Variants in MAP3K19 observed in about 807,000 individuals in gnomAD.
MAP3K19 encodes the protein SPS1/STE20-related protein kinase YSK4.
A neutral mutation model predicts 114.4 loss-of-function variants in MAP3K19; 91 were observed. The observed-to-expected ratio is 0.80, with a 90% CI of 0.67 to 0.95. MAP3K19 has a LOEUF of 0.95. Ranked by LOEUF, MAP3K19 falls within the 40% of genes least tolerant of loss-of-function variation. The probability of loss-of-function intolerance (pLI) is 0.00; values close to 1 mark genes in which losing one functional copy is unlikely to be tolerated. For missense variants in MAP3K19, 1,471 were observed against 1,573.2 expected (o/e 0.94, Z 1.10); for synonymous variants, 518 against 530.5 (o/e 0.98, Z 0.32).
chr2:135,015,000 A>C (rs998711742), intron 5 of MAP3K19, among the ~76,000 whole-genome samples: 1 of 152,194 alleles, frequency 6.6e-6, no homozygotes, highest in African/African-American at 2.4e-5. Flanking sequence ...TAGTGCTGCT[A>C]TGATCATTAT....
rs114068787 is a variant in MAP3K19 at position 135,015,436 on chromosome 2, G to A, written c.138+6279C>T. On this transcript the variant is annotated intron_variant, in intron 5 of 12. Transcript: ENST00000392915. ...AGTTTTTAAATTTTTTCTGAATGCA[G>A]GTCCTTTGTCAGATACATACATTTT... Among the ~76,000 whole-genome samples, 648 of 152,136 alleles carry A rather than the reference G, an allele frequency of 4.3e-3. 4 individuals are homozygous for A. Among genetic ancestry groups the A allele is most frequent in the African/African-American group, 0.015 (612 of 41,488 alleles).
intron 5 of MAP3K19, among the ~76,000 whole-genome samples, chr2:135,016,421 G>C (rs1687589388): frequency 6.6e-6 from 1 of 152,088 alleles, no homozygotes; most frequent in African/African-American, 2.4e-5. Flanking sequence ...CTTTATAATA[G>C]GATGTGATAT....
chr2:134,986,857 C>A lies in MAP3K19; in HGVS notation c.2015G>T (p.Cys672Phe), dbSNP rs1476316290. Residue 672 changes from cysteine (C) to phenylalanine (F), a missense_variant, in exon 10 of 13, where the codon TGT becomes TTT. Physicochemically the swap from Cys to Phe is radical, Grantham distance 205 (BLOSUM62 -2). Coordinates refer to ENST00000392915, the MANE Select transcript of MAP3K19 (RefSeq NM_025052.5). ...IYEMFGTPVY[C>F]HVRETERDEN... ...ATCCCTTTCAGTCTCTCGCACATGA[C>A]AATAAACAGGGGTCCCAAACATTTC... 6.2e-7 allele frequency: 1 copy of A among 1,614,162 alleles called. No individual in the cohort carries two copies. Among genetic ancestry groups the A allele is most frequent in the South Asian group, 1.1e-5 (1 of 91,084 alleles).
chr2:135,041,379 C>T (rs941839827), intron 1 of MAP3K19, among the ~76,000 whole-genome samples: 4 of 151,458 alleles, frequency 2.6e-5, no homozygotes, highest in East Asian at 1.9e-4. Flanking sequence ...CTCACTCTCT[C>T]GCCCAGGCTA....
chr2:135,018,013 C>T (rs894194065), intron 5 of MAP3K19, among the ~76,000 whole-genome samples: 8 of 152,068 alleles, frequency 5.3e-5, no homozygotes, highest in South Asian at 4.1e-4. Flanking sequence ...TAGTTTAGGC[C>T]GGGTACGGTG....
chr2:134,970,595 CTTT>C (rs745484871), intron 12 of MAP3K19, among the ~76,000 whole-genome samples: 9 of 109,572 alleles, frequency 8.2e-5, no homozygotes, highest in Non-Finnish European at 1.4e-4. Context: ...GTTTGAATGC[CTTT>C]TTTTTTTTTT....
At chr2:134,995,714 C>A (rs1685935470) in intron 8 of MAP3K19, among the ~76,000 whole-genome samples, 1 of 152,070 alleles carries the variant, frequency 6.6e-6, no homozygotes. Flanking sequence ...CACTATGGAG[C>A]TCAGCTGCAA....
At chr2:134,992,835 A>T (rs1439596949) in intron 8 of MAP3K19, among the ~76,000 whole-genome samples, 1 of 151,220 alleles carries the variant, frequency 6.6e-6, no homozygotes, top group East Asian at 1.9e-4. Context: ...ATGCCCGGCT[A>T]ATTTTTTGTG....
intron 10 of MAP3K19, among the ~76,000 whole-genome samples, chr2:134,984,251 A>C (rs1321931564): frequency 6.6e-6 from 1 of 152,202 alleles, no homozygotes. Flanking sequence ...TCCTAAACAC[A>C]GACAAGTTCA....
At chr2:135,002,594 T>A (rs1686520187) in intron 6 of MAP3K19, among the ~76,000 whole-genome samples, 1 of 145,718 alleles carries the variant, frequency 6.9e-6, no homozygotes, top group African/African-American at 2.7e-5. Context: ...TCCTAAATTG[T>A]GAAGCTCAAC....
At chr2:135,031,531 T>C (rs908364131) in intron 2 of MAP3K19, among the ~76,000 whole-genome samples, 4 of 152,190 alleles carry the variant, frequency 2.6e-5, no homozygotes, top group Admixed American at 2.0e-4. Context: ...CAAACCCCTC[T>C]GAGGAGTTAG....
Position 134,999,999 on chromosome 2 carries a change from TA to T in MAP3K19, c.251del (p.Val84GlufsTer13). 1 of 1,610,428 alleles carries T rather than the reference TA, an allele frequency of 6.2e-7. No homozygotes were observed. Among genetic ancestry groups the T allele is most frequent in the Non-Finnish European group, 8.5e-7 (1 of 1,176,640 alleles). ...GAGGACTGACATCTCTTGGAAAAGT[TA>T]CAGTGATCTCAACACCTGTAGAAAC... is the stretch of plus-strand genomic sequence containing the variant. ...QPRTEGVEIT[V>X]TFPRDVSPPQ... is the part of the protein sequence containing the mutation. On this transcript the variant is annotated frameshift_variant, in exon 7 of 13. Transcript: ENST00000392915. LOFTEE classifies it high-confidence loss of function. The surrounding 1 kb of genome is among the most constrained non-coding windows in gnomAD (Gnocchi z 4.1).
chr2:135,029,539 T>A lies in MAP3K19; in HGVS notation c.-95+773A>T, dbSNP rs568100986. On this transcript the variant is annotated intron_variant, in intron 3 of 12. Coordinates refer to ENST00000392915, the MANE Select transcript of MAP3K19 (RefSeq NM_025052.5). ...AGTCCAACAAAAGAATTTGAAGTATTGTTTGGTTTTGTTATATCTCTTCTT... is the reference window on the plus strand; with the variant it reads ...AGTCCAACAAAAGAATTTGAAGTATAGTTTGGTTTTGTTATATCTCTTCTT... Among the ~76,000 whole-genome samples, 15 of 152,312 alleles carry A rather than the reference T, an allele frequency of 9.8e-5. No homozygotes were observed. In the South Asian group the frequency reaches 3.1e-3, roughly 32 times the overall value.
intron 12 of MAP3K19, among the ~76,000 whole-genome samples, chr2:134,971,164 A>G (rs565972337): frequency 2.0e-5 from 3 of 152,278 alleles, no homozygotes; most frequent in East Asian, 3.9e-4. Flanking sequence ...TTCTGTTTCT[A>G]TTGAGATGGT....
intron 9 of MAP3K19, 74 bp downstream of exon 9, chr2:134,991,463 G>T (rs1272981671): frequency 7.8e-7 from 1 of 1,287,276 alleles, no homozygotes; most frequent in Non-Finnish European, 1.1e-6. Flanking sequence ...AATTGCTGAG[G>T]ATTTGGTTCT....
intron 5 of MAP3K19, among the ~76,000 whole-genome samples, chr2:135,008,359 G>A (rs924531972): frequency 6.6e-6 from 1 of 152,162 alleles, no homozygotes; most frequent in Non-Finnish European, 1.5e-5. Flanking sequence ...CTGACCTCGT[G>A]ATCTGCCTGC....
chr2:134,974,203 G>T (rs903205599), intron 12 of MAP3K19, among the ~76,000 whole-genome samples: 1 of 152,088 alleles, frequency 6.6e-6, no homozygotes, highest in Admixed American at 6.5e-5. Flanking sequence ...TTTTCTCCAT[G>T]TTGGTCAGGC....
At position 134,986,816 on chromosome 2, in the gene MAP3K19, G is replaced by A. The variant is rs148647253; in HGVS notation, c.2056C>T (p.Arg686Cys). 40 of 1,614,080 alleles carry A rather than the reference G, an allele frequency of 2.5e-5. No individual in the cohort carries two copies. The highest frequency in any genetic ancestry group is 8.3e-5 in the Admixed American group (5 of 60,012). Reference protein sequence around the residue: ...ETERDENTYYREICSAPSGRR... With the variant: ...ETERDENTYYCEICSAPSGRR... Reference sequence around the variant, plus strand: ...CCTGATGGAGCCGAACATATCTCACGGTAATACGTGTTTTCATCCCTTTCA... The same window carrying A: ...CCTGATGGAGCCGAACATATCTCACAGTAATACGTGTTTTCATCCCTTTCA... The change falls in exon 10 of 13, where the codon CGT becomes TGT. Residue 686 changes from arginine to cysteine, a missense_variant. Transcript: ENST00000392915.
At chr2:135,023,177 C>T (rs1688096084) in intron 4 of MAP3K19, 4 of 278,008 alleles carry the variant, frequency 1.4e-5, no homozygotes, top group African/African-American at 8.8e-5. Context: ...CTTCTGCCTA[C>T]ATCCTGCCAT....
Sources: allele counts gnomAD v4.1 joint callset (sites outside exome capture counted in the v4.1 genomes callset), GRCh38; gene constraint gnomAD v4.1.1; non-coding constraint Gnocchi (gnomAD v3.1); transcripts MANE v1.5; gene names NCBI Gene and HGNC (gene_info 2026-07-23, HGNC 2026-07-21).